The following BNC1 variants were observed in gnomAD, a reference collection of about 807,000 sequenced individuals.
The protein encoded by BNC1 is zinc finger protein basonuclin-1.
BNC1 carries 8 observed loss-of-function variants against 66.5 expected under a neutral mutation model. That is an observed-to-expected ratio of 0.12 (90% CI 0.07 to 0.22). The LOEUF (loss-of-function observed/expected upper bound fraction) is 0.22, where lower values mean the gene tolerates loss of function less well. BNC1 is among the 10% of genes least tolerant of loss of function. The pLI is 1.00. For synonymous variants in BNC1, 454 were observed against 452.6 expected (o/e 1.00, Z -0.04); for missense variants, 1,069 against 1,241.3 (o/e 0.86, Z 2.09).
rs1473268042 is a variant in BNC1, at chr15:83,255,961, T to C, written c.*1481A>G. 1 of 152,670 alleles carries C rather than the reference T, an allele frequency of 6.6e-6. No homozygotes were observed. Among genetic ancestry groups the C allele is most frequent in the African/African-American group, 2.4e-5 (1 of 41,472 alleles). The allele number at this position is 152,670 out of a possible 1,614,324, so 9.5% of individuals were successfully genotyped here. ...ACATTTGTATACAAATCTTTTCACT[T>C]TGGGAAGACTGGAATATTAAACAGC... On this transcript the variant is annotated 3_prime_UTR_variant, in exon 5 of 5. Coordinates refer to ENST00000345382, the MANE Select transcript of BNC1 (RefSeq NM_001717.4).
chr15:83,282,608 A>G (rs1486292600), intron 1 of BNC1, among the ~76,000 whole-genome samples: 1 of 152,222 alleles, frequency 6.6e-6, no homozygotes, highest in Non-Finnish European at 1.5e-5. Context: ...TGTATCCATC[A>G]CTGAACAAAA....
In BNC1 at chr15:83,279,584, GCA is replaced by G. The variant is rs1018561265; in HGVS notation, c.99+4944_99+4945del. Among the ~76,000 whole-genome samples, 47 of 152,194 alleles carry G rather than the reference GCA, an allele frequency of 3.1e-4. 2 individuals carry two copies. Among genetic ancestry groups the G allele is most frequent in the Non-Finnish European group, 1.3e-4 (9 of 68,048 alleles). ...CAGGCCAAGGAGCCTGGGCCACAGA[GCA>G]CAGGTCTCTGTTACGGGCAGTGAGA... is the stretch of plus-strand genomic sequence containing the variant. On this transcript the variant is annotated intron_variant, in intron 1 of 4. Coordinates refer to ENST00000345382, the MANE Select transcript of BNC1 (RefSeq NM_001717.4).
At chr15:83,271,321 G>A (rs944241468) in intron 1 of BNC1, among the ~76,000 whole-genome samples, 1 of 152,170 alleles carries the variant, frequency 6.6e-6, no homozygotes. Flanking sequence ...TGTCTTCTAC[G>A]ATTTATTTTG....
intron 1 of BNC1, among the ~76,000 whole-genome samples, chr15:83,274,581 G>A (rs2038301053): frequency 1.3e-5 from 2 of 152,148 alleles, no homozygotes; most frequent in African/African-American, 4.8e-5. Flanking sequence ...TCCAGCATCT[G>A]CTTTTTGACG....
At chr15:83,267,876 ATACTTC>A in intron 2 of BNC1, among the ~76,000 whole-genome samples, 1 of 152,312 alleles carries the variant, frequency 6.6e-6, no homozygotes, top group Admixed American at 6.5e-5. Context: ...ATAGAACAGA[ATACTTC>A]TATCATTACA....
intron 1 of BNC1, among the ~76,000 whole-genome samples, chr15:83,270,977 A>C (rs1252725995): frequency 3.3e-5 from 5 of 152,216 alleles, no homozygotes; most frequent in African/African-American, 1.2e-4. Flanking sequence ...TCTCAATAAA[A>C]ATATTATTAA....
chr15:83,261,741 T>C (rs1471402028), intron 4 of BNC1, among the ~76,000 whole-genome samples: 2 of 152,210 alleles, frequency 1.3e-5, no homozygotes, highest in African/African-American at 2.4e-5. Context: ...TGCGTGTGTG[T>C]GTCATGAAAA....
At chr15:83,259,804 C>T (rs2038121110) in intron 4 of BNC1, among the ~76,000 whole-genome samples, 1 of 152,172 alleles carries the variant, frequency 6.6e-6, no homozygotes, top group Non-Finnish European at 1.5e-5. Flanking sequence ...CCTCTCAAGC[C>T]TTAGAGGGTT....
At chr15:83,274,361 G>A (rs1174014409) in intron 1 of BNC1, among the ~76,000 whole-genome samples, 1 of 152,072 alleles carries the variant, frequency 6.6e-6, no homozygotes, top group Non-Finnish European at 1.5e-5. Context: ...CTCCAGCCTG[G>A]GTGACAGAGT....
chr15:83,271,258 CAAAA>C (rs914189487), intron 1 of BNC1, among the ~76,000 whole-genome samples: 1 of 152,058 alleles, frequency 6.6e-6, no homozygotes, highest in Non-Finnish European at 1.5e-5. Context: ...AAAAACAAAA[CAAAA>C]AAACCAGTGA....
chr15:83,259,912 CTCCTAA>C (rs1426645316), intron 4 of BNC1, among the ~76,000 whole-genome samples: 1 of 152,150 alleles, frequency 6.6e-6, no homozygotes, highest in Non-Finnish European at 1.5e-5. Context: ...TTCTAGGACT[CTCCTAA>C]TCCTGTACTC....
At chr15:83,275,892 T>G (rs1260486228) in intron 1 of BNC1, among the ~76,000 whole-genome samples, 1 of 152,050 alleles carries the variant, frequency 6.6e-6, no homozygotes. Context: ...CCTTTTTTTT[T>G]TTATGTATGA....
At chr15:83,272,798 G>A (rs2151438478) in intron 1 of BNC1, among the ~76,000 whole-genome samples, 1 of 152,210 alleles carries the variant, frequency 6.6e-6, no homozygotes, top group Non-Finnish European at 1.5e-5. Context: ...CGTCACCTAG[G>A]TCAGGTTTTC....
At chr15:83,258,206 G>T in intron 4 of BNC1, 80 bp from the exon 5 acceptor site, 2 of 1,416,966 alleles carry the variant, frequency 1.4e-6, no homozygotes, top group Non-Finnish European at 1.9e-6. Flanking sequence ...AGACTTGGTA[G>T]ATACCAGGAA....
rs138242526 is a variant in BNC1, at chr15:83,264,277, G to A, written c.974C>T (p.Ser325Leu). 7 of 1,614,182 alleles carry A rather than the reference G, an allele frequency of 4.3e-6. No homozygotes were observed. In the South Asian group the frequency reaches 6.6e-5, roughly 15 times the overall value. The change falls in exon 4 of 5, where the codon TCA becomes TTA. Residue 325 changes from serine to leucine, a missense_variant. Coordinates refer to ENST00000345382, the MANE Select transcript of BNC1 (RefSeq NM_001717.4). Reference protein sequence around the residue: ...EDSTHLSDSSSYNIVTKFERT... With the variant: ...EDSTHLSDSSLYNIVTKFERT... ...TTCAAACTTAGTGACAATGTTGTATGAGCTGGAGTCACTTAAATGGGTGCT... is the reference window on the plus strand; with the variant it reads ...TTCAAACTTAGTGACAATGTTGTATAAGCTGGAGTCACTTAAATGGGTGCT...
At chr15:83,268,330 T>A in intron 1 of BNC1, 98 bp from the exon 2 acceptor site, 3 of 1,091,020 alleles carry the variant, frequency 2.7e-6, no homozygotes, top group African/African-American at 1.5e-5. Context: ...TCGGCAGCAC[T>A]TATTGAGCAA....
intron 1 of BNC1, among the ~76,000 whole-genome samples, chr15:83,272,228 T>C (rs2038276252): frequency 6.6e-6 from 1 of 152,202 alleles, no homozygotes; most frequent in African/African-American, 2.4e-5. Context: ...CATTCCTTTT[T>C]TTAAAATTTT....
chr15:83,274,498 CACA>C (rs1595941110), intron 1 of BNC1, among the ~76,000 whole-genome samples: 1 of 152,182 alleles, frequency 6.6e-6, no homozygotes, highest in South Asian at 2.1e-4. Flanking sequence ...AGTGGAGATA[CACA>C]ACATTTCCAT....
chr15:83,277,797 T>C (rs892422941), intron 1 of BNC1, among the ~76,000 whole-genome samples: 1 of 152,186 alleles, frequency 6.6e-6, no homozygotes. Flanking sequence ...ACTCTTTCTG[T>C]GGCTGCAGAG....
Sources: allele counts gnomAD v4.1 joint callset (sites outside exome capture counted in the v4.1 genomes callset), GRCh38; gene constraint gnomAD v4.1.1; transcripts MANE v1.5; gene names NCBI Gene and HGNC (gene_info 2026-07-23, HGNC 2026-07-21).